Variants in JPH3 observed in about 807,000 individuals in gnomAD.
JPH3 encodes junctophilin 3.
In JPH3, 11 loss-of-function variants were observed where a neutral mutation model predicts 59.6. That is an observed-to-expected ratio of 0.18 (90% confidence interval 0.12 to 0.31). The LOEUF is 0.31. JPH3 is among the 10% of genes least tolerant of loss of function. The pLI, the probability that JPH3 is intolerant of heterozygous loss-of-function variation, is 1.00. For synonymous variants in JPH3, 673 were observed against 483.6 expected (o/e 1.39, Z -5.14); for missense variants, 1,202 against 1,105.7 (o/e 1.09, Z -1.24).
chr16:87,662,926 C>T (rs963054805), intron 2 of JPH3, among the ~76,000 whole-genome samples: 3 of 152,170 alleles, frequency 2.0e-5, no homozygotes, highest in Non-Finnish European at 2.9e-5. Flanking sequence ...ACTTCCAGCA[C>T]CCCTTCGGGG....
chr16:87,688,930 C>T (rs1013899746), intron 3 of JPH3, among the ~76,000 whole-genome samples: 4 of 152,192 alleles, frequency 2.6e-5, no homozygotes, highest in Admixed American at 6.5e-5. Flanking sequence ...GGAGAAGTCT[C>T]GGGGCTAGTC....
rs199789251 is a variant in JPH3 at position 87,644,529 on chromosome 16, G to A, written c.654G>A (p.Ser218=). The A allele has an allele frequency of 2.4e-4, 381 of 1,612,870 alleles. 1 individual carries two copies. The highest frequency in any genetic ancestry group is 2.7e-4 in the Non-Finnish European group (324 of 1,179,852). ...AGAAGAAGGGGCTGTTTCGGCGCTCGCTGCTGAGTGGGCTGAAGCTGCGCA... is the reference window on the plus strand; with the variant it reads ...AGAAGAAGGGGCTGTTTCGGCGCTCACTGCTGAGTGGGCTGAAGCTGCGCA... ...KSKKKGLFRR[S]LLSGLKLRKS... is the part of the protein sequence containing the mutation. The change falls in exon 2 of 5, where the codon TCG becomes TCA. Residue 218 remains serine, a synonymous_variant. Transcript: ENST00000284262.
intron 2 of JPH3, among the ~76,000 whole-genome samples, chr16:87,656,703 C>A (rs1305695355): frequency 6.6e-6 from 1 of 152,154 alleles, no homozygotes; most frequent in Admixed American, 6.5e-5. Flanking sequence ...GGAACGGGGG[C>A]CCCTACGTGC....
intron 4 of JPH3, chr16:87,696,100 T>C (rs902209601): frequency 6.6e-6 from 3 of 457,640 alleles, no homozygotes; most frequent in South Asian, 3.1e-5. Context: ...TCACGGACTT[T>C]GGGAGTCCTC....
At chr16:87,695,788 G>T (rs1198566153) in intron 4 of JPH3, 1 of 455,980 alleles carries the variant, frequency 2.2e-6, no homozygotes, top group Non-Finnish European at 4.4e-6. Flanking sequence ...CACTGCAGAA[G>T]GGCGCCCCCG....
rs532334726 is a variant in JPH3 at position 87,688,116 on chromosome 16, C to T, written c.1286-1530C>T. On this transcript the variant is annotated intron_variant, in intron 3 of 4. Coordinates refer to ENST00000284262, the MANE Select transcript of JPH3 (RefSeq NM_020655.4). ...TCTCTGGCCCATTCCCTGCTCTGCT[C>T]GGGGGACACCCAACCAGCCCAGCCC... is the stretch of plus-strand genomic sequence containing the variant. 2.9e-3 allele frequency among the ~76,000 whole-genome samples: 437 copies of T among 152,268 alleles called. 4 individuals carry two copies. The highest frequency in any genetic ancestry group is 5.4e-3 in the Non-Finnish European group (367 of 68,004).
In JPH3 at chr16:87,627,776, C is replaced by T. The variant is rs149321332; in HGVS notation, c.383-16482C>T. On this transcript the variant is annotated intron_variant, in intron 1 of 4. Coordinates refer to ENST00000284262, the MANE Select transcript of JPH3 (RefSeq NM_020655.4). ...GCCAGGATCCGAGCTCAGATTTGCC[C>T]GACTTCCACCCATGCCGGTGGGCGG... 4.7e-3 allele frequency among the ~76,000 whole-genome samples: 717 copies of T among 152,324 alleles called. 5 individuals carry two copies. Among genetic ancestry groups the T allele is most frequent in the African/African-American group, 0.015 (632 of 41,576 alleles).
chr16:87,651,222 G>A (rs115340178), intron 2 of JPH3, among the ~76,000 whole-genome samples: 257 of 152,328 alleles, frequency 1.7e-3, no homozygotes, highest in African/African-American at 5.9e-3. Flanking sequence ...GTGATCTACT[G>A]CTCAGAAAAA....
rs1385106773 is a variant in JPH3, at chr16:87,602,959, C to G, written c.-188C>G. On this transcript the variant is annotated 5_prime_UTR_variant, in exon 1 of 5. Coordinates refer to ENST00000284262, the MANE Select transcript of JPH3 (RefSeq NM_020655.4). The stretch of plus-strand genomic sequence containing the variant: ...GCAGCTCGAAAAGGAATAATCGCCC[C>G]CGATTGACTGAAATTCCTCCGGAGC... 11 of 600,910 alleles carry G rather than the reference C, an allele frequency of 1.8e-5. No homozygotes were observed. The highest frequency in any genetic ancestry group is 3.1e-5 in the Non-Finnish European group (11 of 353,694). 37.2% of individuals were successfully genotyped at this position (600,910 alleles called of 1,614,324 possible).
At chr16:87,656,830 C>T (rs565584807) in intron 2 of JPH3, among the ~76,000 whole-genome samples, 41 of 152,260 alleles carry the variant, frequency 2.7e-4, no homozygotes, top group Non-Finnish European at 5.4e-4. Flanking sequence ...ATTTTCTCCC[C>T]GTTCTGAAAA....
intron 2 of JPH3, among the ~76,000 whole-genome samples, chr16:87,662,901 C>G (rs376439955): frequency 1.9e-4 from 29 of 152,174 alleles, no homozygotes; most frequent in African/African-American, 6.8e-4. Flanking sequence ...GGAAAAGCAC[C>G]GGCTCCTTTC....
chr16:87,630,048 A>C (rs1401897436), intron 1 of JPH3, among the ~76,000 whole-genome samples: 1 of 152,244 alleles, frequency 6.6e-6, no homozygotes, highest in Non-Finnish European at 1.5e-5. Flanking sequence ...AAGCAAAGTC[A>C]AAACATTGCC....
intron 2 of JPH3, among the ~76,000 whole-genome samples, chr16:87,663,386 GC>G: frequency 6.6e-6 from 1 of 152,304 alleles, no homozygotes; most frequent in South Asian, 2.1e-4. Context: ...GGGATTATAG[GC>G]ATGTGCCACT....
intron 2 of JPH3, among the ~76,000 whole-genome samples, chr16:87,658,231 C>A (rs552139548): frequency 6.6e-6 from 1 of 152,180 alleles, no homozygotes. Context: ...GCAGGGCTAC[C>A]AAACAGTGCA....
chr16:87,615,165 T>C (rs555527329), intron 1 of JPH3, among the ~76,000 whole-genome samples: 59 of 152,356 alleles, frequency 3.9e-4, no homozygotes, highest in African/African-American at 1.4e-3. Context: ...CGGGGACCCA[T>C]CCACAGATCC....
chr16:87,651,984 T>C (rs1043199976), intron 2 of JPH3, among the ~76,000 whole-genome samples: 1 of 151,090 alleles, frequency 6.6e-6, no homozygotes, highest in African/African-American at 2.4e-5. Context: ...TTTTTTTTTG[T>C]TTTGTTTTGA....
At chr16:87,649,665 A>T (rs549189690) in intron 2 of JPH3, among the ~76,000 whole-genome samples, 19 of 152,288 alleles carry the variant, frequency 1.2e-4, no homozygotes, top group African/African-American at 4.6e-4. Context: ...AAACCAAATA[A>T]AAGCAGAAAG....
chr16:87,602,753 C>A lies in JPH3; in HGVS notation c.-394C>A, dbSNP rs1237676652. The A allele has an allele frequency of 7.3e-6, 1 of 136,094 alleles. No individual in the cohort carries two copies. The highest frequency in any genetic ancestry group is 1.6e-5 in the Non-Finnish European group (1 of 61,312). The allele number at this position is 136,094 out of a possible 1,614,324, so 8.4% of individuals were successfully genotyped here. A position where few individuals can be genotyped will look rare whatever the true frequency, so the allele number is the denominator to read the frequency against. On this transcript the variant is annotated 5_prime_UTR_variant, in exon 1 of 5. Transcript: ENST00000284262. ...GCCGCGGCCCGGGCCTGAGCTGCCC[C>A]CCGCCCGGCCTCGGCGCGGCGCCCT...
intron 2 of JPH3, among the ~76,000 whole-genome samples, chr16:87,646,771 C>G (rs118018387): frequency 6.6e-6 from 1 of 152,174 alleles, no homozygotes; most frequent in Non-Finnish European, 1.5e-5. Flanking sequence ...TCCGTGTGAC[C>G]TGCAGATTGG....
Sources: allele counts gnomAD v4.1 joint callset (sites outside exome capture counted in the v4.1 genomes callset), GRCh38; gene constraint gnomAD v4.1.1; transcripts MANE v1.5; gene names NCBI Gene and HGNC (gene_info 2026-07-23, HGNC 2026-07-21).